The following PTPRG variants were observed in gnomAD, a reference collection of about 807,000 sequenced individuals.
PTPRG encodes the protein receptor-type tyrosine-protein phosphatase gamma.
A neutral mutation model predicts 165.3 loss-of-function variants in PTPRG; 102 were observed. That is an observed-to-expected ratio of 0.62 (90% CI 0.53 to 0.73). The LOEUF (loss-of-function observed/expected upper bound fraction) is 0.73, where lower values mean the gene tolerates loss of function less well. Ranked by LOEUF, PTPRG falls within the 30% of genes least tolerant of loss-of-function variation. PTPRG has a pLI of 0.00. For missense variants in PTPRG, 1,866 were observed against 1,861.4 expected, an observed-to-expected ratio of 1.00 and a Z score of -0.05; for synonymous variants, 675 against 669.5, an observed-to-expected ratio of 1.01 and a Z score of -0.13.
chr3:61,656,254 A>T (rs1702507282), intron 1 of PTPRG, among the ~76,000 whole-genome samples: 1 of 152,124 alleles, frequency 6.6e-6, no homozygotes, highest in South Asian at 2.1e-4. Context: ...ATAAATAAGA[A>T]AAACAAGAAA....
At chr3:61,562,620 GCTC>G (rs1309687158) in intron 1 of PTPRG, among the ~76,000 whole-genome samples, 1 of 151,570 alleles carries the variant, frequency 6.6e-6, no homozygotes, top group Non-Finnish European at 1.5e-5. Flanking sequence ...GCGGGGGTCT[GCTC>G]CCGCTCCCTT....
At position 61,674,184 on chromosome 3, in the gene PTPRG, A is replaced by T. The variant is rs1303748869; in HGVS notation, c.86-74694A>T. Among the ~76,000 whole-genome samples, 9 of 58,634 alleles carry T rather than the reference A, an allele frequency of 1.5e-4. No individual in the cohort carries two copies. In the South Asian group the frequency reaches 2.8e-3, roughly 18 times the overall value. The allele number at this position is 58,634 out of a possible 152,430, so 38.5% of individuals were successfully genotyped here. ...ATCCCAGAACAAGTATAATAATAAT[A>T]AAAAAAAAAAAGAAACATGGCTTTG... On this transcript the variant is annotated intron_variant, in intron 1 of 29. Coordinates refer to ENST00000474889, the MANE Select transcript of PTPRG (RefSeq NM_002841.4).
At chr3:61,903,387 T>G (rs2038549145) in intron 2 of PTPRG, among the ~76,000 whole-genome samples, 1 of 152,124 alleles carries the variant, frequency 6.6e-6, no homozygotes, top group South Asian at 2.1e-4. Context: ...TTATTTTTAG[T>G]TTTTGAGACG....
chr3:62,050,551 T>C (rs1175411403), intron 4 of PTPRG, among the ~76,000 whole-genome samples: 1 of 152,230 alleles, frequency 6.6e-6, no homozygotes, highest in Admixed American at 6.5e-5. Flanking sequence ...GCTTGAGAGA[T>C]GGCCGAGTGG....
chr3:61,996,325 T>C (rs180922548), intron 3 of PTPRG, among the ~76,000 whole-genome samples: 8 of 152,314 alleles, frequency 5.3e-5, no homozygotes, highest in African/African-American at 1.9e-4. Flanking sequence ...TTTTTAATTA[T>C]AACGCTTCCA....
At chr3:61,574,887 C>T (rs2106782231) in intron 1 of PTPRG, among the ~76,000 whole-genome samples, 1 of 152,118 alleles carries the variant, frequency 6.6e-6, no homozygotes, top group East Asian at 1.9e-4. Flanking sequence ...GGAACTAATC[C>T]ATTCCCACGA....
At chr3:62,006,693 C>T (rs921377457) in intron 4 of PTPRG, among the ~76,000 whole-genome samples, 1 of 152,158 alleles carries the variant, frequency 6.6e-6, no homozygotes, top group Non-Finnish European at 1.5e-5. Flanking sequence ...CATCTCCCCC[C>T]TGCACCCTGG....
intron 2 of PTPRG, among the ~76,000 whole-genome samples, chr3:61,767,617 C>A (rs922440078): frequency 1.3e-5 from 2 of 152,188 alleles, no homozygotes; most frequent in African/African-American, 2.4e-5. Context: ...TATACATTTT[C>A]AGTGTTCCAA....
chr3:62,260,444 A>T (rs1701660936), intron 16 of PTPRG, among the ~76,000 whole-genome samples: 2 of 152,066 alleles, frequency 1.3e-5, no homozygotes, highest in Admixed American at 6.5e-5. Context: ...CCTCCCTAAA[A>T]TTCTCGTTAC....
At chr3:61,867,866 G>A (rs1174001412) in intron 2 of PTPRG, among the ~76,000 whole-genome samples, 1 of 152,176 alleles carries the variant, frequency 6.6e-6, no homozygotes, top group Non-Finnish European at 1.5e-5. Flanking sequence ...CATGTGGTGT[G>A]TGGGGCCCAG....
chr3:61,618,565 GT>G, intron 1 of PTPRG, among the ~76,000 whole-genome samples: 1 of 152,216 alleles, frequency 6.6e-6, no homozygotes, highest in South Asian at 2.1e-4. Context: ...TTTAGTATTG[GT>G]TTGCAGAAGT....
At chr3:61,896,257 C>A (rs1266808315) in intron 2 of PTPRG, among the ~76,000 whole-genome samples, 1 of 152,184 alleles carries the variant, frequency 6.6e-6, no homozygotes, top group Non-Finnish European at 1.5e-5. Flanking sequence ...AATCTGTCTT[C>A]ATTTCTAAAG....
At chr3:62,018,541 G>A (rs140604545) in intron 4 of PTPRG, among the ~76,000 whole-genome samples, 1 of 152,314 alleles carries the variant, frequency 6.6e-6, no homozygotes, top group East Asian at 1.9e-4. Flanking sequence ...CTCCAAGTTA[G>A]TCTCAAAAAT....
At position 62,013,455 on chromosome 3, in the gene PTPRG, GC is replaced by G. The variant is rs561650190; in HGVS notation, c.519+9959del. 3.3e-5 allele frequency among the ~76,000 whole-genome samples: 5 copies of G among 152,296 alleles called. No individual in the cohort carries two copies. The South Asian group carries it at 1.0e-3, about 32-fold the overall frequency. On this transcript the variant is annotated intron_variant, in intron 4 of 29. Transcript: ENST00000474889. ...AAAAAAGGTGAAAGGATAGAAAGTA[GC>G]AGGTATGTACAGTGAACAAATCTGA...
At chr3:61,819,467 T>C (rs770383241) in intron 2 of PTPRG, among the ~76,000 whole-genome samples, 10 of 152,138 alleles carry the variant, frequency 6.6e-5, no homozygotes, top group Non-Finnish European at 1.3e-4. Context: ...GCACTAGAGG[T>C]GACACAGTTT....
chr3:62,051,493 G>A (rs956299908), intron 4 of PTPRG, among the ~76,000 whole-genome samples: 1 of 152,122 alleles, frequency 6.6e-6, no homozygotes, highest in East Asian at 1.9e-4. Context: ...ATCGTAGTTG[G>A]AGTTTCTCAA....
chr3:61,741,781 T>C (rs917247508), intron 1 of PTPRG, among the ~76,000 whole-genome samples: 1 of 152,192 alleles, frequency 6.6e-6, no homozygotes, highest in Non-Finnish European at 1.5e-5. Flanking sequence ...TGGAATCCTT[T>C]GTGGCCATGT....
chr3:61,597,465 T>C (rs1199251855), intron 1 of PTPRG, among the ~76,000 whole-genome samples: 1 of 152,234 alleles, frequency 6.6e-6, no homozygotes, highest in Non-Finnish European at 1.5e-5. Flanking sequence ...TTGATGGAAA[T>C]AAATGGTATA....
intron 1 of PTPRG, among the ~76,000 whole-genome samples, chr3:61,646,456 C>G (rs554418731): frequency 1.3e-5 from 2 of 152,296 alleles, no homozygotes; most frequent in South Asian, 4.1e-4. Flanking sequence ...GTCCAAAACT[C>G]TTCTGGAATT....
Sources: allele counts gnomAD v4.1 joint callset (sites outside exome capture counted in the v4.1 genomes callset), GRCh38; gene constraint gnomAD v4.1.1; transcripts MANE v1.5; gene names NCBI Gene and HGNC (gene_info 2026-07-23, HGNC 2026-07-21).